The following ANKRD28 variants were observed in gnomAD, a reference collection of about 807,000 sequenced individuals.
The protein encoded by ANKRD28 is serine/threonine-protein phosphatase 6 regulatory ankyrin repeat subunit A.
Under a neutral mutation model 126.5 loss-of-function variants are expected in ANKRD28, and 44 were observed. The observed-to-expected ratio is 0.35, with a 90% CI of 0.27 to 0.45. The LOEUF is 0.45. Ranked by LOEUF, ANKRD28 falls within the 20% of genes least tolerant of loss-of-function variation. The pLI is 1.00. For missense variants in ANKRD28, 1,110 were observed against 1,316.6 expected (o/e 0.84, Z 2.43); for synonymous variants, 442 against 468.5 (o/e 0.94, Z 0.73).
Position 15,842,038 on chromosome 3 carries a change from TTA to T in ANKRD28, c.27+17337_27+17338del, listed in dbSNP as rs538643775. 2.8e-3 allele frequency among the ~76,000 whole-genome samples: 412 copies of T among 148,884 alleles called. 5 individuals carry two copies. In the Middle Eastern group the frequency reaches 0.064, roughly 23 times the overall value. On this transcript the variant is annotated intron_variant, in intron 1 of 27. Transcript: ENST00000399451. ...TAATGTTATATATTGTGTATAATTT[TTA>T]TATATAACATAATTTATATATAATT...
intron 1 of ANKRD28, among the ~76,000 whole-genome samples, chr3:15,810,233 T>G (rs185612489): frequency 1.1e-3 from 165 of 152,018 alleles, no homozygotes; most frequent in African/African-American, 3.8e-3. Flanking sequence ...AGAGGCCATG[T>G]AGGATGGTGA....
chr3:15,706,055 C>T (rs1224126433), intron 14 of ANKRD28, among the ~76,000 whole-genome samples: 1 of 151,848 alleles, frequency 6.6e-6, no homozygotes. Context: ...AACAAAAAAC[C>T]CCTAGAATTT....
At chr3:15,851,544 AAAAT>A (rs141544673) in intron 1 of ANKRD28, among the ~76,000 whole-genome samples, 12,634 of 145,412 alleles carry the variant, frequency 0.087, 631 homozygotes, top group Middle Eastern at 0.13. Context: ...ACTCTGTGTC[AAAAT>A]AAATAAATAA....
chr3:15,796,239 G>A (rs1040505188), intron 1 of ANKRD28, among the ~76,000 whole-genome samples, 166 bp downstream of exon 1: 17 of 151,898 alleles, frequency 1.1e-4, no homozygotes, highest in African/African-American at 3.1e-4. Context: ...AAGTAAAAAC[G>A]AAAAATGTGC....
At chr3:15,679,626 A>C in intron 21 of ANKRD28, 63 bp from the exon 22 acceptor site, 1 of 1,293,710 alleles carries the variant, frequency 7.7e-7, no homozygotes, top group Non-Finnish European at 1.1e-6. Context: ...AATCACAGGT[A>C]CATGTAAGTG....
intron 3 of ANKRD28, among the ~76,000 whole-genome samples, chr3:15,762,690 G>C (rs760452369): frequency 6.6e-5 from 10 of 152,016 alleles, no homozygotes; most frequent in Non-Finnish European, 1.3e-4. Flanking sequence ...TCACAGAGAA[G>C]ATAATTCCTG....
At chr3:15,740,064 T>C (rs2075336493) in intron 4 of ANKRD28, among the ~76,000 whole-genome samples, 1 of 152,152 alleles carries the variant, frequency 6.6e-6, no homozygotes, top group South Asian at 2.1e-4. Context: ...TACTCAGCAA[T>C]GAAAATGAAC....
chr3:15,709,783 A>G (rs375375052), intron 12 of ANKRD28, 47 bp from the exon 13 acceptor site: 2 of 1,297,716 alleles, frequency 1.5e-6, no homozygotes, highest in African/African-American at 3.0e-5. Flanking sequence ...CAGTGATTTT[A>G]TAATGAAATT....
At chr3:15,784,943 A>G (rs1369005651) in intron 2 of ANKRD28, among the ~76,000 whole-genome samples, 1 of 152,048 alleles carries the variant, frequency 6.6e-6, no homozygotes, top group African/African-American at 2.4e-5. Flanking sequence ...AAGCCTTGCT[A>G]CTTTCAAGGA....
chr3:15,785,612 TA>T (rs528710819), intron 2 of ANKRD28, among the ~76,000 whole-genome samples: 5 of 152,108 alleles, frequency 3.3e-5, no homozygotes, highest in Non-Finnish European at 7.4e-5. Context: ...TTATACCTGC[TA>T]TGAGTGCACA....
intron 1 of ANKRD28, among the ~76,000 whole-genome samples, chr3:15,820,773 A>T (rs1320427322): frequency 3.9e-5 from 6 of 152,182 alleles, no homozygotes; most frequent in African/African-American, 1.4e-4. Context: ...AAGAAATTCA[A>T]TTATATGATG....
chr3:15,681,312 T>C (rs1157658202), intron 21 of ANKRD28, among the ~76,000 whole-genome samples: 1 of 152,196 alleles, frequency 6.6e-6, no homozygotes, highest in Non-Finnish European at 1.5e-5. Flanking sequence ...GGACATTCAG[T>C]TGAATTCACC....
intron 3 of ANKRD28, among the ~76,000 whole-genome samples, chr3:15,760,897 C>T (rs1439502071): frequency 6.6e-6 from 1 of 152,132 alleles, no homozygotes; most frequent in Non-Finnish European, 1.5e-5. Context: ...TTCCACATCA[C>T]TTAAAGGGCC....
rs1425042467 is a variant in ANKRD28, at chr3:15,838,096, G to A, written c.27+21281C>T. ...GAAGAAGATACAGAAAATATGAATA[G>A]AACTCTATCAACTAAAGAAATTAGT... On this transcript the variant is annotated intron_variant, in intron 1 of 27. Coordinates refer to the ANKRD28 transcript ENST00000399451. The surrounding 1 kb of genome is among the most constrained non-coding windows in gnomAD (Gnocchi z 4.0). 6.6e-6 allele frequency among the ~76,000 whole-genome samples: 1 copy of A among 152,028 alleles called. No individual in the cohort carries two copies. Among genetic ancestry groups the A allele is most frequent in the Non-Finnish European group, 1.5e-5 (1 of 67,970 alleles).
chr3:15,820,601 A>G (rs2060922869), intron 1 of ANKRD28, among the ~76,000 whole-genome samples: 1 of 152,194 alleles, frequency 6.6e-6, no homozygotes, highest in South Asian at 2.1e-4. Flanking sequence ...ACTAACCTTC[A>G]AGACATCTGA....
chr3:15,785,701 T>C (rs901367163), intron 2 of ANKRD28, among the ~76,000 whole-genome samples: 3 of 152,068 alleles, frequency 2.0e-5, no homozygotes, highest in African/African-American at 4.8e-5. Flanking sequence ...ATCATGTTAT[T>C]TGATTTTACC....
chr3:15,674,147 G>A (rs947128142), intron 27 of ANKRD28, among the ~76,000 whole-genome samples: 2 of 115,310 alleles, frequency 1.7e-5, no homozygotes, highest in African/African-American at 6.7e-5. Context: ...ACTCTAGTCT[G>A]GGCAACAGAG....
chr3:15,708,329 C>T (rs1185163320), intron 13 of ANKRD28, among the ~76,000 whole-genome samples: 1 of 152,150 alleles, frequency 6.6e-6, no homozygotes, highest in African/African-American at 2.4e-5. Context: ...AGTCCCAGTC[C>T]TTTGAGTGAC....
Position 15,839,752 on chromosome 3 carries a change from G to T in ANKRD28, c.27+19625C>A, listed in dbSNP as rs1303865626. Among the ~76,000 whole-genome samples, 6 of 152,240 alleles carry T rather than the reference G, an allele frequency of 3.9e-5. No individual in the cohort carries two copies. The highest frequency in any genetic ancestry group is 6.8e-3 in the Middle Eastern group (2 of 294). ...GGGATGCAAGGATGGTTCAACACAT[G>T]CAATCAATTAATATGATACATCATA... On this transcript the variant is annotated intron_variant, in intron 1 of 27. Coordinates refer to the ANKRD28 transcript ENST00000399451. This position sits in a 1 kb window ranked among gnomAD's most constrained non-coding sequence, Gnocchi z 4.3.
Sources: gnomAD v4.1 joint callset for allele counts (sites outside exome capture counted in the v4.1 genomes callset) on GRCh38, gnomAD v4.1.1 for gene constraint, Gnocchi (gnomAD v3.1) non-coding constraint, MANE v1.5 for transcripts, NCBI Gene and HGNC (gene_info 2026-07-23, HGNC 2026-07-21) for gene names.